Variants in LRRC37A2 observed in about 807,000 individuals in gnomAD.
LRRC37A2 encodes leucine rich repeat containing 37 member A2, also known as leucine-rich repeat-containing protein 37A2.
LRRC37A2 carries 9 observed loss-of-function variants against 68.8 expected under a neutral mutation model. The observed-to-expected ratio is 0.13, with a 90% confidence interval of 0.08 to 0.23. The LOEUF (loss-of-function observed/expected upper bound fraction) is 0.23. Ranked by LOEUF, LRRC37A2 falls within the 10% of genes least tolerant of loss-of-function variation. LRRC37A2 has a pLI of 1.00. For missense variants in LRRC37A2, 168 were observed against 950.4 expected, an observed-to-expected ratio of 0.18 and a Z score of 10.82; for synonymous variants, 63 against 367.6, an observed-to-expected ratio of 0.17 and a Z score of 9.48.
the LRRC37A2 span, chr17:46,876,380 G>A: frequency 1.2e-6 from 2 of 1,613,974 alleles, no homozygotes; most frequent in Non-Finnish European, 8.5e-7. Context: ...TGACTCGGCT[G>A]TCAAGGTGTC....
At chr17:47,030,082 AATAATAATC>A in the LRRC37A2 span, among the ~76,000 whole-genome samples, 2,224 of 46,148 alleles carry the variant, frequency 0.048, 38 homozygotes, top group Middle Eastern at 0.12. Flanking sequence ...TAATAATAAT[AATAATAATC>A]ATCATCATCA....
chr17:46,752,503 C>G, the LRRC37A2 span, among the ~76,000 whole-genome samples: 7 of 151,826 alleles, frequency 4.6e-5, no homozygotes, highest in Admixed American at 1.3e-4. Context: ...TCTCCCAGGC[C>G]GGAATGCAGT....
chr17:46,990,459 A>C, the LRRC37A2 span, among the ~76,000 whole-genome samples: 1 of 152,192 alleles, frequency 6.6e-6, no homozygotes, highest in Non-Finnish European at 1.5e-5. Flanking sequence ...TTTGTTGAGC[A>C]TGTACAATGT....
At chr17:46,787,473 G>A in the LRRC37A2 span, among the ~76,000 whole-genome samples, 2 of 152,194 alleles carry the variant, frequency 1.3e-5, no homozygotes, top group Non-Finnish European at 2.9e-5. Context: ...CCAGGGAAGC[G>A]ATGTGCCTTC....
chr17:46,921,508 T>C, the LRRC37A2 span, among the ~76,000 whole-genome samples: 6 of 152,202 alleles, frequency 3.9e-5, no homozygotes, highest in African/African-American at 1.2e-4. Flanking sequence ...AAAGAGCTTC[T>C]GCACAGCAAA....
At chr17:46,784,194 A>G in the LRRC37A2 span, among the ~76,000 whole-genome samples, 4 of 152,100 alleles carry the variant, frequency 2.6e-5, no homozygotes, top group African/African-American at 9.7e-5. Context: ...GTCCCATGAG[A>G]AACAGGAGGA....
At chr17:46,846,440 A>G in the LRRC37A2 span, among the ~76,000 whole-genome samples, 1 of 152,372 alleles carries the variant, frequency 6.6e-6, no homozygotes, top group South Asian at 2.1e-4. Context: ...TCTGCAGTCT[A>G]CACATAGCAG....
At chr17:46,880,672 C>CA in the LRRC37A2 span, among the ~76,000 whole-genome samples, 1 of 152,192 alleles carries the variant, frequency 6.6e-6, no homozygotes, top group African/African-American at 2.4e-5. Flanking sequence ...AACTGGCAGG[C>CA]AGTGGGGCCA....
At chr17:46,827,246 C>T in the LRRC37A2 span, among the ~76,000 whole-genome samples, 12 of 152,128 alleles carry the variant, frequency 7.9e-5, no homozygotes, top group Admixed American at 4.6e-4. Context: ...AAGTCAATCA[C>T]GGGGACCCAT....
chr17:46,755,507 G>C, the LRRC37A2 span: 1 of 798,012 alleles, frequency 1.3e-6, no homozygotes, highest in Non-Finnish European at 2.1e-6. Flanking sequence ...AGGTCCGAGA[G>C]ACCAAGCAAG....
Position 46,541,107 on chromosome 17 carries a change from G to GT in LRRC37A2, c.3053+227dup, listed in dbSNP as rs1465021412. Among the ~76,000 whole-genome samples the GT allele has an allele frequency of 1.1e-3, 132 of 121,772 alleles. 2 individuals carry two copies. Among genetic ancestry groups the GT allele is most frequent in the Middle Eastern group, 7.5e-3 (2 of 266 alleles). The allele number at this position is 121,772 out of a possible 152,430, so 79.9% of individuals were successfully genotyped here. A position where few individuals can be genotyped will look rare whatever the true frequency, so the allele number is the denominator to read the frequency against. On this transcript the variant is annotated intron_variant, in intron 8 of 14. Coordinates refer to ENST00000576629, the Ensembl canonical transcript of LRRC37A2. ...TCAAAAAGGCCCCTACTGTCCCTTT[G>GT]TAGGCAATCCCATCCTCCCACCATC... is the stretch of plus-strand genomic sequence containing the variant.
At chr17:46,857,636 T>C in the LRRC37A2 span, among the ~76,000 whole-genome samples, 48 of 152,344 alleles carry the variant, frequency 3.2e-4, no homozygotes, top group African/African-American at 1.0e-3. Context: ...AGATGGTTGA[T>C]ATATGCATAA....
chr17:46,904,987 C>G, the LRRC37A2 span, among the ~76,000 whole-genome samples: 6 of 152,168 alleles, frequency 3.9e-5, no homozygotes, highest in Non-Finnish European at 7.3e-5. Flanking sequence ...GCTGTGGGAT[C>G]TTTCAGCAGG....
chr17:46,835,317 T>G, the LRRC37A2 span, among the ~76,000 whole-genome samples: 3 of 152,268 alleles, frequency 2.0e-5, no homozygotes, highest in Admixed American at 1.3e-4. Flanking sequence ...GTTCACGCCA[T>G]TCTCCTGCCT....
the LRRC37A2 span, among the ~76,000 whole-genome samples, chr17:46,984,971 C>G: frequency 6.6e-6 from 1 of 152,160 alleles, no homozygotes; most frequent in Non-Finnish European, 1.5e-5. Context: ...TTTTAAACAA[C>G]CCCCCTAGGA....
the LRRC37A2 span, among the ~76,000 whole-genome samples, chr17:46,789,174 A>T: frequency 6.6e-6 from 1 of 152,174 alleles, no homozygotes; most frequent in East Asian, 1.9e-4. Context: ...GCCCTGAGGA[A>T]GCCCATTCTC....
chr17:46,870,257 G>A, the LRRC37A2 span, among the ~76,000 whole-genome samples: 1 of 152,132 alleles, frequency 6.6e-6, no homozygotes, highest in Non-Finnish European at 1.5e-5. Flanking sequence ...GTGTGAGAAG[G>A]AGGACATTTG....
the LRRC37A2 span, among the ~76,000 whole-genome samples, chr17:46,999,723 G>A: frequency 6.6e-6 from 1 of 151,866 alleles, no homozygotes; most frequent in Admixed American, 6.6e-5. Context: ...TGTCAGCCTG[G>A]AACTATAGCT....
chr17:47,005,751 G>A, the LRRC37A2 span: 8 of 152,264 alleles, frequency 5.3e-5, no homozygotes, highest in African/African-American at 1.9e-4. Context: ...GAGTCTGGCT[G>A]CTTCTTTCTG....
Sources: gnomAD v4.1 joint callset for allele counts (sites outside exome capture counted in the v4.1 genomes callset) on GRCh38, gnomAD v4.1.1 for gene constraint, MANE v1.5 for transcripts, NCBI Gene and HGNC (gene_info 2026-07-23, HGNC 2026-07-21) for gene names.